WDPCP: variants seen among roughly 807,000 people sequenced by gnomAD.
WDPCP encodes WD repeat containing planar cell polarity effector, also known as WD repeat-containing and planar cell polarity effector protein fritz homolog.
A neutral mutation model predicts 93.1 loss-of-function variants in WDPCP; 71 were observed. That is an observed-to-expected ratio of 0.76 (90% CI 0.63 to 0.93). The LOEUF is 0.93. WDPCP is among the 40% of genes least tolerant of loss of function. WDPCP has a pLI of 0.00. For missense variants in WDPCP, 844 were observed against 887.4 expected, an observed-to-expected ratio of 0.95 and a Z score of 0.62; for synonymous variants, 315 against 315.0, an observed-to-expected ratio of 1.00 and a Z score of 0.00.
In WDPCP at chr2:63,204,602, G is replaced by A. The variant is rs957739718; in HGVS notation, c.1916-29770C>T. Reference sequence around the variant, plus strand: ...GGTGATCTGCCCGCCTCAGCCTCCCGAAGTGTTGGGATGACAGGCATGAGC... The same window carrying A: ...GGTGATCTGCCCGCCTCAGCCTCCCAAAGTGTTGGGATGACAGGCATGAGC... On this transcript the variant is annotated intron_variant, in intron 14 of 17. Transcript: ENST00000272321. 5.9e-5 allele frequency among the ~76,000 whole-genome samples: 9 copies of A among 152,012 alleles called. No homozygotes were observed. The South Asian group carries it at 1.0e-3, about 18-fold the overall frequency.
chr2:63,184,676 T>C (rs1002995797), intron 14 of WDPCP, among the ~76,000 whole-genome samples: 1 of 152,216 alleles, frequency 6.6e-6, no homozygotes, highest in Non-Finnish European at 1.5e-5. Context: ...TTAGACAATT[T>C]AATGACTATA....
intron 2 of WDPCP, among the ~76,000 whole-genome samples, chr2:63,707,900 C>G (rs922990299): frequency 6.6e-6 from 1 of 152,106 alleles, no homozygotes; most frequent in African/African-American, 2.4e-5. Flanking sequence ...CACTCCAGAC[C>G]CTGTTTGCCT....
chr2:63,720,533 C>T (rs1164286522), intron 2 of WDPCP, among the ~76,000 whole-genome samples: 1 of 152,132 alleles, frequency 6.6e-6, no homozygotes, highest in South Asian at 2.1e-4. Context: ...TTAAGAGCTG[C>T]CATGGCTTAC....
chr2:63,431,560 A>C (rs1159610122), intron 9 of WDPCP, among the ~76,000 whole-genome samples: 4 of 151,952 alleles, frequency 2.6e-5, no homozygotes, highest in African/African-American at 4.8e-5. Flanking sequence ...TACTGAAAAA[A>C]AAAAAAAATT....
intron 3 of WDPCP, among the ~76,000 whole-genome samples, chr2:63,626,218 C>T (rs918342293): frequency 6.6e-6 from 1 of 152,102 alleles, no homozygotes; most frequent in African/African-American, 2.4e-5. Flanking sequence ...AATGTAAGAC[C>T]TAAAACCGTA....
rs1265242161 is a variant in WDPCP, at chr2:63,442,364, A to G, written c.385-2493T>C. The G allele has an allele frequency of 2.6e-5, 4 of 152,124 alleles. No individual in the cohort carries two copies. The East Asian group carries it at 5.8e-4, about 22-fold the overall frequency. The allele number at this position is 152,124 out of a possible 1,614,324, so 9.4% of individuals were successfully genotyped here. On this transcript the variant is annotated intron_variant, in intron 6 of 17. Transcript: ENST00000272321. Reference sequence around the variant, plus strand: ...ATAATGCCTGGCACACAGTGTTTGCAATTATTATTATTATTCAACCATTAA... The same window carrying G: ...ATAATGCCTGGCACACAGTGTTTGCGATTATTATTATTATTCAACCATTAA...
At chr2:63,405,015 T>C (rs1694459240) in intron 9 of WDPCP, among the ~76,000 whole-genome samples, 1 of 152,198 alleles carries the variant, frequency 6.6e-6, no homozygotes. Context: ...CTTTTAGTAA[T>C]ATCATATGGT....
rs180856008 is a variant in WDPCP at position 63,460,264 on chromosome 2, T to C, written c.385-20393A>G. Among the ~76,000 whole-genome samples the C allele has an allele frequency of 3.0e-4, 45 of 152,130 alleles. No individual in the cohort carries two copies. The East Asian group carries it at 7.7e-3, about 26-fold the overall frequency. On this transcript the variant is annotated intron_variant, in intron 6 of 17. Coordinates refer to ENST00000272321, the MANE Select transcript of WDPCP (RefSeq NM_015910.7). ...GACAGGTACTACATGTTCTTACTCA[T>C]ATATGGGAGCTAAAAGCTTGACCTC...
chr2:63,265,001 GACAA>G (rs1390635029), intron 13 of WDPCP, among the ~76,000 whole-genome samples: 2 of 152,092 alleles, frequency 1.3e-5, no homozygotes, highest in East Asian at 3.9e-4. Context: ...AATACCTTGT[GACAA>G]ACAAAAATGA....
intron 2 of WDPCP, among the ~76,000 whole-genome samples, chr2:63,694,066 T>G (rs1341302257): frequency 6.6e-6 from 1 of 152,240 alleles, no homozygotes; most frequent in Non-Finnish European, 1.5e-5. Flanking sequence ...ACCTTTATCA[T>G]TCTTCCCTCC....
chr2:63,405,711 C>T (rs890008755), intron 9 of WDPCP, among the ~76,000 whole-genome samples: 1 of 151,840 alleles, frequency 6.6e-6, no homozygotes, highest in Non-Finnish European at 1.5e-5. Flanking sequence ...GGCTATCTAC[C>T]AACATGGAAC....
chr2:63,331,614 G>A (rs1687983631), intron 12 of WDPCP, among the ~76,000 whole-genome samples: 1 of 152,134 alleles, frequency 6.6e-6, no homozygotes, highest in South Asian at 2.1e-4. Flanking sequence ...CTACAATCAA[G>A]ATAAGTATTT....
At chr2:63,494,542 G>C (rs1366427158) in intron 1 of WDPCP, among the ~76,000 whole-genome samples, 2 of 152,136 alleles carry the variant, frequency 1.3e-5, no homozygotes, top group African/African-American at 4.8e-5. Flanking sequence ...ACTAGCTCCG[G>C]AGTCTGTTTG....
chr2:63,183,053 C>G (rs1373697710), intron 14 of WDPCP, among the ~76,000 whole-genome samples: 1 of 151,780 alleles, frequency 6.6e-6, no homozygotes, highest in Non-Finnish European at 1.5e-5. Flanking sequence ...GTCTAGCTAG[C>G]AGTTTGTCAA....
At chr2:63,826,760 C>T (rs1371132008) in intron 1 of WDPCP, among the ~76,000 whole-genome samples, 1 of 152,086 alleles carries the variant, frequency 6.6e-6, no homozygotes, top group Non-Finnish European at 1.5e-5. Context: ...CCCTCTTCTA[C>T]TCTTTAAAAA....
At chr2:63,758,092 TG>T (rs1669995622) in intron 2 of WDPCP, among the ~76,000 whole-genome samples, 1 of 151,620 alleles carries the variant, frequency 6.6e-6, no homozygotes. Context: ...AAAGTGTTGT[TG>T]GTTTTTTTTT....
chr2:63,264,479 GA>G (rs1471363476), intron 13 of WDPCP, among the ~76,000 whole-genome samples: 1 of 152,082 alleles, frequency 6.6e-6, no homozygotes, highest in African/African-American at 2.4e-5. Context: ...TATGAAAAGA[GA>G]AAAAGAAGGT....
rs143581603 is a variant in WDPCP at position 63,401,332 on chromosome 2, A to C, written c.1435+2716T>G. Among the ~76,000 whole-genome samples the C allele has an allele frequency of 4.0e-4, 61 of 152,324 alleles. 1 individual carries two copies. In the East Asian group the frequency reaches 0.012, roughly 29 times the overall value. On this transcript the variant is annotated intron_variant, in intron 10 of 17. Transcript: ENST00000272321. ...CAAACAACCCCATCAAAAAGTGGGC[A>C]AAGGATACGAACAGACACTTCTCAG...
rs192097381 is a variant in WDPCP at position 63,450,528 on chromosome 2, G to T, written c.385-10657C>A. 2.6e-5 allele frequency among the ~76,000 whole-genome samples: 4 copies of T among 152,136 alleles called. No homozygotes were observed. In the East Asian group the frequency reaches 7.7e-4, roughly 29 times the overall value. The stretch of plus-strand genomic sequence containing the variant: ...TAACATTTAAACAAACCATCTGAAG[G>T]TCCAGTAACTGACCTGCCTGGTACT... On this transcript the variant is annotated intron_variant, in intron 6 of 17. Transcript: ENST00000272321.
Sources: gnomAD v4.1 joint callset for allele counts (sites outside exome capture counted in the v4.1 genomes callset) on GRCh38, gnomAD v4.1.1 for gene constraint, MANE v1.5 for transcripts, NCBI Gene and HGNC (gene_info 2026-07-23, HGNC 2026-07-21) for gene names.